Variants in STK24 observed in about 807,000 individuals in gnomAD.
STK24 encodes serine/threonine-protein kinase 24.
A neutral mutation model predicts 55.6 loss-of-function variants in STK24; 21 were observed. That is an observed-to-expected ratio of 0.38 (90% CI 0.27 to 0.54). The LOEUF is 0.54. STK24 is among the 20% of genes least tolerant of loss of function. The pLI, the probability that STK24 is intolerant of heterozygous loss-of-function variation, is 0.79. For synonymous variants in STK24, 200 were observed against 215.2 expected (o/e 0.93, Z 0.62); for missense variants, 383 against 538.4 (o/e 0.71, Z 2.86).
intron 1 of STK24, among the ~76,000 whole-genome samples, chr13:98,558,618 C>A (rs1897334629): frequency 6.6e-6 from 1 of 152,214 alleles, no homozygotes; most frequent in South Asian, 2.1e-4. Context: ...GAACTTAACT[C>A]TTAAGATTAT....
chr13:98,472,017 G>A (rs748478242), intron 5 of STK24, among the ~76,000 whole-genome samples: 11 of 152,164 alleles, frequency 7.2e-5, no homozygotes, highest in Middle Eastern at 3.2e-3. Context: ...AGACCAGAGC[G>A]GCCTCCAGTG....
chr13:98,515,014 C>CT (rs1184857261), intron 2 of STK24, among the ~76,000 whole-genome samples: 2 of 151,152 alleles, frequency 1.3e-5, no homozygotes, highest in Non-Finnish European at 2.9e-5. Context: ...GTACTAGAAT[C>CT]TGAGACTAAA....
intron 7 of STK24, 69 bp from the exon 8 acceptor site, chr13:98,461,966 G>A: frequency 1.9e-6 from 3 of 1,588,230 alleles, no homozygotes; most frequent in South Asian, 1.1e-5. Context: ...GGGACGTTCA[G>A]GGGGAGGCCG....
chr13:98,468,270 T>C (rs1378725267), intron 5 of STK24, among the ~76,000 whole-genome samples: 1 of 152,236 alleles, frequency 6.6e-6, no homozygotes, highest in Non-Finnish European at 1.5e-5. Context: ...TTCTTTCTAC[T>C]AAATCTTGTA....
chr13:98,549,397 GA>G lies in STK24; in HGVS notation c.42+27347del, dbSNP rs1897107730. 3.3e-5 allele frequency among the ~76,000 whole-genome samples: 5 copies of G among 152,310 alleles called. No homozygotes were observed. In the South Asian group the frequency reaches 1.0e-3, roughly 32 times the overall value. The stretch of plus-strand genomic sequence containing the variant: ...AGAAGCTCCCTCGGACCTCTTTTGT[GA>G]GGGCACTGATATGGTTGGAGGTCCC... On this transcript the variant is annotated intron_variant, in intron 1 of 10. Coordinates refer to ENST00000539966, the MANE Select transcript of STK24 (RefSeq NM_001032296.4).
chr13:98,539,398 GA>G (rs1257806157), intron 1 of STK24, among the ~76,000 whole-genome samples: 1 of 151,916 alleles, frequency 6.6e-6, no homozygotes, highest in Admixed American at 6.6e-5. Context: ...TTGGATGCCT[GA>G]AAAAAAGAAT....
At chr13:98,561,698 C>T (rs1347395807) in intron 1 of STK24, among the ~76,000 whole-genome samples, 2 of 152,002 alleles carry the variant, frequency 1.3e-5, no homozygotes, top group East Asian at 1.9e-4. Context: ...CAGGGCTGGT[C>T]GGGTGCAGTG....
chr13:98,463,342 T>C (rs894703296), intron 7 of STK24, among the ~76,000 whole-genome samples: 3 of 152,340 alleles, frequency 2.0e-5, no homozygotes, highest in Middle Eastern at 3.4e-3. Flanking sequence ...TTCTGGCCTT[T>C]CAGACATCCA....
intron 2 of STK24, among the ~76,000 whole-genome samples, chr13:98,490,068 C>A (rs1303721610): frequency 6.6e-6 from 1 of 152,170 alleles, no homozygotes; most frequent in Admixed American, 6.5e-5. Flanking sequence ...TCCTCCTCTG[C>A]ACCCAAGACA....
Position 98,448,392 on chromosome 13 carries a change from G to A in STK24, c.*4781C>T. 8.5e-7 allele frequency: 1 copy of A among 1,179,680 alleles called. No homozygotes were observed. The highest frequency in any genetic ancestry group is 1.3e-6 in the Non-Finnish European group (1 of 788,138). 73.1% of individuals were successfully genotyped at this position (1,179,680 alleles called of 1,614,324 possible). On this transcript the variant is annotated 3_prime_UTR_variant, in exon 11 of 11. Transcript: ENST00000539966. The stretch of plus-strand genomic sequence containing the variant: ...CCTTTCTTCTGTATTAATGAAGCCT[G>A]GTAAAATTAACACCTGTCTGAAAAT...
In STK24 at chr13:98,451,092, A is replaced by ACC. The variant is rs1219148824; in HGVS notation, c.*2080_*2081insGG. 1 of 152,168 alleles carries ACC rather than the reference A, an allele frequency of 6.6e-6. No homozygotes were observed. The highest frequency in any genetic ancestry group is 1.5e-5 in the Non-Finnish European group (1 of 68,048). The allele number at this position is 152,168 out of a possible 1,614,324, so 9.4% of individuals were successfully genotyped here. ...ACCCAGTCCCTCGAGCGGCTCACCC[A>ACC]CTGTTACTAGCATGAGACTGGCTTC... is the stretch of plus-strand genomic sequence containing the variant. On this transcript the variant is annotated 3_prime_UTR_variant, in exon 11 of 11. Transcript: ENST00000539966.
At chr13:98,497,153 G>A (rs1243453954) in intron 2 of STK24, among the ~76,000 whole-genome samples, 1 of 152,022 alleles carries the variant, frequency 6.6e-6, no homozygotes, top group East Asian at 1.9e-4. Flanking sequence ...CCCTGCCCGC[G>A]GCACAGTCCT....
At chr13:98,554,698 T>G (rs1897241680) in intron 1 of STK24, among the ~76,000 whole-genome samples, 1 of 152,218 alleles carries the variant, frequency 6.6e-6, no homozygotes, top group Non-Finnish European at 1.5e-5. Flanking sequence ...ATTTTTAGAA[T>G]GCTTAAGTCA....
intron 7 of STK24, among the ~76,000 whole-genome samples, chr13:98,462,723 G>C (rs1359792805): frequency 6.6e-6 from 1 of 152,024 alleles, no homozygotes; most frequent in African/African-American, 2.4e-5. Flanking sequence ...CCACACCTCG[G>C]TGCCACTTCA....
intron 2 of STK24, among the ~76,000 whole-genome samples, chr13:98,516,474 G>A (rs1354604750): frequency 6.6e-6 from 1 of 152,204 alleles, no homozygotes; most frequent in Non-Finnish European, 1.5e-5. Flanking sequence ...AGCCTACTGT[G>A]CACACAGCCT....
chr13:98,481,908 A>C lies in STK24; in HGVS notation c.330+357T>G, dbSNP rs113796548. ...ACCCAAAAACAACAACAACAACAAC[A>C]ACCACAAAATTGGCCAGGTGTGGTG... On this transcript the variant is annotated intron_variant, in intron 3 of 10. Transcript: ENST00000539966. 4.7e-3 allele frequency among the ~76,000 whole-genome samples: 711 copies of C among 152,100 alleles called. 1 individual carries two copies. Among genetic ancestry groups the C allele is most frequent in the Middle Eastern group, 0.034 (10 of 294 alleles).
chr13:98,519,601 CATCAGG>C, intron 1 of STK24, 128 bp from the exon 2 acceptor site: 2 of 769,008 alleles, frequency 2.6e-6, no homozygotes, highest in Non-Finnish European at 4.3e-6. Context: ...CTGTGTCCAG[CATCAGG>C]CTGGTGGTGA....
intron 2 of STK24, among the ~76,000 whole-genome samples, chr13:98,503,151 G>A (rs960994544): frequency 4.1e-5 from 6 of 146,754 alleles, no homozygotes; most frequent in African/African-American, 1.5e-4. Flanking sequence ...AATTTACCAA[G>A]AGAGTGTTTT....
intron 10 of STK24, chr13:98,453,587 AACCC>A (rs962029797): frequency 5.8e-6 from 1 of 172,540 alleles, no homozygotes; most frequent in African/African-American, 2.4e-5. Context: ...GAGGGCAGGA[AACCC>A]ATTTTGGCCA....
Sources: allele counts gnomAD v4.1 joint callset (sites outside exome capture counted in the v4.1 genomes callset), GRCh38; gene constraint gnomAD v4.1.1; transcripts MANE v1.5; gene names NCBI Gene and HGNC (gene_info 2026-07-23, HGNC 2026-07-21).